Variants in SLIT3 observed in about 807,000 individuals in gnomAD.
The protein encoded by SLIT3 is slit guidance ligand 3, also known as slit homolog 3 protein.
SLIT3 carries 68 observed loss-of-function variants against 184.0 expected under a neutral mutation model. That is an observed-to-expected ratio of 0.37 (90% CI 0.30 to 0.45). The LOEUF (loss-of-function observed/expected upper bound fraction) is 0.45. SLIT3 is among the 20% of genes least tolerant of loss of function. The pLI is 1.00. For missense variants in SLIT3, 1,707 were observed against 2,026.0 expected (o/e 0.84, Z 3.02); for synonymous variants, 831 against 828.6 (o/e 1.00, Z -0.05).
chr5:169,171,481 T>C (rs546661943), intron 4 of SLIT3, among the ~76,000 whole-genome samples: 1 of 152,322 alleles, frequency 6.6e-6, no homozygotes, highest in South Asian at 2.1e-4. Flanking sequence ...TTGTGTGTTT[T>C]TCACAAATAT....
At chr5:169,090,441 AGGTGAAGGAAGAAGAATG>A (rs1225936066) in intron 4 of SLIT3, among the ~76,000 whole-genome samples, 5 of 152,184 alleles carry the variant, frequency 3.3e-5, no homozygotes, top group African/African-American at 1.2e-4. Flanking sequence ...AGAGCAGAGC[AGGTGAAGGAAGAAGAATG>A]GGTTTGAGGC....
At chr5:169,272,557 C>T (rs985523136) in intron 1 of SLIT3, among the ~76,000 whole-genome samples, 2 of 152,218 alleles carry the variant, frequency 1.3e-5, no homozygotes, top group African/African-American at 2.4e-5. Flanking sequence ...GTGCCTTGCC[C>T]AGGCTACTGC....
intron 4 of SLIT3, among the ~76,000 whole-genome samples, chr5:169,183,310 G>T (rs1316192591): frequency 6.6e-6 from 1 of 152,208 alleles, no homozygotes; most frequent in African/African-American, 2.4e-5. Context: ...AGTAAAGAGA[G>T]TACACTGATG....
intron 6 of SLIT3, among the ~76,000 whole-genome samples, chr5:168,827,297 A>G (rs1057492757): frequency 2.1e-4 from 32 of 152,272 alleles, no homozygotes; most frequent in African/African-American, 7.5e-4. Flanking sequence ...GAAGTCTAAA[A>G]TGGGTTTCTG....
chr5:168,835,716 C>G (rs1387922417), intron 6 of SLIT3, among the ~76,000 whole-genome samples: 1 of 151,038 alleles, frequency 6.6e-6, no homozygotes, highest in Non-Finnish European at 1.5e-5. Flanking sequence ...GAGGCTGAGA[C>G]AAGAGAGTTG....
intron 4 of SLIT3, among the ~76,000 whole-genome samples, chr5:168,954,976 C>A (rs1762772998): frequency 6.6e-6 from 1 of 151,892 alleles, no homozygotes; most frequent in Non-Finnish European, 1.5e-5. Flanking sequence ...GGCCTCATTC[C>A]TTGACCTTTT....
At chr5:168,824,305 G>A (rs1298399978) in intron 6 of SLIT3, among the ~76,000 whole-genome samples, 1 of 152,144 alleles carries the variant, frequency 6.6e-6, no homozygotes, top group Non-Finnish European at 1.5e-5. Context: ...GCATCTCTAC[G>A]ACCATGAACG....
chr5:168,823,305 C>A lies in SLIT3; in HGVS notation c.584G>T (p.Arg195Leu). Residue 195 changes from arginine to leucine, a missense_variant, in exon 7 of 36, where the codon CGC (arginine) becomes CTC (leucine). Physicochemically the swap from Arg to Leu is moderately radical, Grantham distance 102. Coordinates refer to ENST00000519560, the MANE Select transcript of SLIT3 (RefSeq NM_003062.4). ...GTGGTTGAAGCTGGTGACCAGGATG[C>A]GACTGATGTTGTTGTTGTTGAGGGT... ...ILTLNNNNIS[R>L]ILVTSFNHMP... The A allele has an allele frequency of 4.3e-6, 7 of 1,613,814 alleles. No homozygotes were observed. The highest frequency in any genetic ancestry group is 5.9e-6 in the Non-Finnish European group (7 of 1,179,822).
At position 168,673,261 on chromosome 5, in the gene SLIT3, C is replaced by T. The variant is rs1438186783; in HGVS notation, c.3757G>A (p.Val1253Ile). Residue 1253 changes from valine to isoleucine, a missense_variant, in exon 33 of 36, where the codon GTA becomes ATA. Transcript: ENST00000519560. The stretch of plus-strand genomic sequence containing the variant: ...CTCTTTGGAGTTCCTTTGTCCACTA[C>T]TAGGTTCAGGGTCTGGTTTAGCGTC... ...LVTLNQTLNL[V>I]VDKGTPKSLG... 9 of 1,614,016 alleles carry T rather than the reference C, an allele frequency of 5.6e-6. No homozygotes were observed. The highest frequency in any genetic ancestry group is 7.6e-6 in the Non-Finnish European group (9 of 1,180,042).
intron 9 of SLIT3, among the ~76,000 whole-genome samples, chr5:168,802,491 C>T (rs1014483993): frequency 4.6e-5 from 7 of 152,186 alleles, no homozygotes; most frequent in East Asian, 3.8e-4. Context: ...GAAAAGTCCT[C>T]GGCAATCCAT....
intron 4 of SLIT3, chr5:169,026,427 G>T (rs1756826232): frequency 6.6e-6 from 1 of 152,156 alleles, no homozygotes; most frequent in Non-Finnish European, 1.5e-5. Context: ...CTCCATCTTT[G>T]CAGAGACAAG....
rs1369446041 is a variant in SLIT3 at position 169,113,238 on chromosome 5, T to C, written c.413+80241A>G. Reference sequence around the variant, plus strand: ...AGCTCCTCATTTGCCCTTCCCTACCTTCCCCTCTAGCAACCATTATTCCAC... The same window carrying C: ...AGCTCCTCATTTGCCCTTCCCTACCCTCCCCTCTAGCAACCATTATTCCAC... On this transcript the variant is annotated intron_variant, in intron 4 of 35. Coordinates refer to ENST00000519560, the MANE Select transcript of SLIT3 (RefSeq NM_003062.4). Among the ~76,000 whole-genome samples, 4 of 152,262 alleles carry C rather than the reference T, an allele frequency of 2.6e-5. No individual in the cohort carries two copies. In the East Asian group the frequency reaches 7.7e-4, roughly 29 times the overall value.
intron 6 of SLIT3, among the ~76,000 whole-genome samples, chr5:168,833,124 T>G (rs566919454): frequency 1.3e-5 from 2 of 152,340 alleles, no homozygotes; most frequent in South Asian, 4.1e-4. Context: ...TTTCTGTTTC[T>G]AAAGGTAAGA....
chr5:168,689,736 G>C (rs1761851974), intron 29 of SLIT3, among the ~76,000 whole-genome samples: 1 of 152,194 alleles, frequency 6.6e-6, no homozygotes, highest in South Asian at 2.1e-4. Context: ...CTTCACACTT[G>C]GACAAACGTC....
rs113652190 is a variant in SLIT3, at chr5:169,117,424, C to T, written c.413+76055G>A. 7.4e-4 allele frequency among the ~76,000 whole-genome samples: 113 copies of T among 152,064 alleles called. 1 individual carries two copies. The highest frequency in any genetic ancestry group is 2.6e-3 in the African/African-American group (109 of 41,484). On this transcript the variant is annotated intron_variant, in intron 4 of 35. Transcript: ENST00000519560. ...TGTTCTCCCCCGTCCCCTCCCTGCC[C>T]CCCTCACCTCTTCCCAGCCTGATTT... is the stretch of plus-strand genomic sequence containing the variant.
chr5:169,189,555 TATATATATATA>T (rs1763476799), intron 4 of SLIT3, among the ~76,000 whole-genome samples: 4 of 91,908 alleles, frequency 4.4e-5, no homozygotes, highest in African/African-American at 1.8e-4. Context: ...TATATATATA[TATATATATATA>T]TATATATATA....
intron 4 of SLIT3, among the ~76,000 whole-genome samples, chr5:169,173,763 G>A (rs1762885738): frequency 6.6e-6 from 1 of 152,204 alleles, no homozygotes; most frequent in Non-Finnish European, 1.5e-5. Context: ...GAAGAAGCCT[G>A]GTACTCTGGA....
chr5:169,213,800 A>G (rs1764348368), intron 3 of SLIT3, among the ~76,000 whole-genome samples: 1 of 152,260 alleles, frequency 6.6e-6, no homozygotes, highest in Admixed American at 6.5e-5. Context: ...AGTGCCTGGC[A>G]CATGACACAA....
chr5:169,263,718 G>T (rs1766291422), intron 1 of SLIT3: 2 of 509,670 alleles, frequency 3.9e-6, no homozygotes, highest in East Asian at 1.4e-4. Flanking sequence ...GCCTCCCCCA[G>T]CTGCTCCATC....
Sources: allele counts gnomAD v4.1 joint callset (sites outside exome capture counted in the v4.1 genomes callset), GRCh38; gene constraint gnomAD v4.1.1; transcripts MANE v1.5; gene names NCBI Gene and HGNC (gene_info 2026-07-23, HGNC 2026-07-21).